The following DNAH5 variants were observed in gnomAD, a reference collection of about 807,000 sequenced individuals.
DNAH5 encodes the protein axonemal beta dynein heavy chain 5.
Under a neutral mutation model 518.2 loss-of-function variants are expected in DNAH5, and 372 were observed. The observed-to-expected ratio is 0.72, with a 90% CI of 0.66 to 0.78. The LOEUF is 0.78. Among genes scored for constraint, DNAH5 ranks in the 30% least tolerant of loss-of-function variants. DNAH5 has a pLI of 0.00. For synonymous variants in DNAH5, 2,039 were observed against 2,025.9 expected, an observed-to-expected ratio of 1.01 and a Z score of -0.17; for missense variants, 5,523 against 5,687.0, an observed-to-expected ratio of 0.97 and a Z score of 0.93.
At chr5:13,983,752 A>G (rs1782844937) in intron 1 of DNAH5, among the ~76,000 whole-genome samples, 1 of 152,206 alleles carries the variant, frequency 6.6e-6, no homozygotes, top group Non-Finnish European at 1.5e-5. Context: ...CTGGAAGAAA[A>G]GAGAGTCCTC....
chr5:13,915,204 G>A (rs1178578135), intron 9 of DNAH5, among the ~76,000 whole-genome samples: 1 of 152,074 alleles, frequency 6.6e-6, no homozygotes. Flanking sequence ...TGACTATGCT[G>A]TATCCATGGA....
intron 68 of DNAH5, among the ~76,000 whole-genome samples, chr5:13,733,159 A>C (rs1219700814): frequency 6.6e-6 from 1 of 152,198 alleles, no homozygotes; most frequent in Non-Finnish European, 1.5e-5. Flanking sequence ...TACTATGTAG[A>C]TTTTACTATC....
chr5:13,816,728 C>CTTTCGACAATTGT (rs1761499341), intron 42 of DNAH5, among the ~76,000 whole-genome samples: 1 of 152,124 alleles, frequency 6.6e-6, no homozygotes, highest in African/African-American at 2.4e-5. Context: ...ATTTTCATTT[C>CTTTCGACAATTGT]TCTTTCGACA....
At chr5:13,958,920 T>A (rs1334535580) in intron 1 of DNAH5, among the ~76,000 whole-genome samples, 1 of 152,174 alleles carries the variant, frequency 6.6e-6, no homozygotes, top group Admixed American at 6.5e-5. Context: ...TGTCAGAAAT[T>A]AATCATGAAG....
At chr5:13,951,047 A>G (rs189278) in intron 1 of DNAH5, among the ~76,000 whole-genome samples, 4,578 of 152,184 alleles carry the variant, frequency 0.03, 236 homozygotes, top group African/African-American at 0.1. Flanking sequence ...GCTTTATGAA[A>G]GCATTAGGAG....
intron 1 of DNAH5, among the ~76,000 whole-genome samples, chr5:13,962,038 C>T (rs1309083351): frequency 6.6e-6 from 1 of 151,858 alleles, no homozygotes; most frequent in African/African-American, 2.4e-5. Context: ...CTTGATATAC[C>T]AAAAAACTGT....
chr5:13,721,067 C>T lies in DNAH5; in HGVS notation c.12212G>A (p.Arg4071His), dbSNP rs745403938. Reference protein sequence around the residue: ...ALGKRLKIETRYVSMGQGQEV... With the variant: ...ALGKRLKIETHYVSMGQGQEV... ...CTGGCCCTGGCCCATGGACACATAA[C>T]GGGTTTCTATTTTTAATCTCTTCCC... The change falls in exon 71 of 79, where the codon CGT becomes CAT. Residue 4071 changes from arginine (R) to histidine (H), a missense_variant. Coordinates refer to ENST00000265104, the MANE Select transcript of DNAH5 (RefSeq NM_001369.3). The T allele has an allele frequency of 3.0e-5, 48 of 1,613,982 alleles. No homozygotes were observed. The highest frequency in any genetic ancestry group is 2.0e-4 in the East Asian group (9 of 44,892).
rs10513159 is a variant in DNAH5, at chr5:13,871,816, A to G, written c.3397-51T>C. ...TAAGAAGGAAGAATCTGAAAGGCAC[A>G]ATGATATAAGTGAATATTTACCAAC... On this transcript the variant is annotated intron_variant, in intron 22 of 78. Coordinates refer to ENST00000265104, the MANE Select transcript of DNAH5 (RefSeq NM_001369.3). 642,294 of 1,478,684 alleles carry G rather than the reference A, an allele frequency of 0.43. 142,106 individuals are homozygous for G. The highest frequency in any genetic ancestry group is 0.47 in the South Asian group (41,098 of 87,680). 91.6% of individuals were successfully genotyped at this position (1,478,684 alleles called of 1,614,324 possible).
chr5:13,848,432 AG>A (rs996541666), intron 31 of DNAH5, among the ~76,000 whole-genome samples: 1 of 152,184 alleles, frequency 6.6e-6, no homozygotes, highest in Admixed American at 6.5e-5. Flanking sequence ...TCCATAGACC[AG>A]GGGTGGGAGT....
chr5:13,785,490 T>TGTTTTTA (rs1468941236), intron 52 of DNAH5, among the ~76,000 whole-genome samples: 2 of 152,242 alleles, frequency 1.3e-5, no homozygotes, highest in African/African-American at 4.8e-5. Context: ...ATTTTTAAAT[T>TGTTTTTA]ATTGTTTCTA....
At chr5:13,995,085 T>A (rs1351920208) in intron 1 of DNAH5, among the ~76,000 whole-genome samples, 1 of 152,216 alleles carries the variant, frequency 6.6e-6, no homozygotes, top group Non-Finnish European at 1.5e-5. Context: ...CATGCCATAA[T>A]AATCACATGT....
chr5:13,765,963 C>T lies in DNAH5; in HGVS notation c.10101+13G>A, dbSNP rs1233600769. The T allele has an allele frequency of 6.2e-7, 1 of 1,613,846 alleles. No homozygotes were observed. Among genetic ancestry groups the T allele is most frequent in the Admixed American group, 1.7e-5 (1 of 60,032 alleles). ...TGAGTTCCCTCTTAGCCCATCACCACTGAACTACCAACCTGTAAGTTCTGT... is the reference window on the plus strand; with the variant it reads ...TGAGTTCCCTCTTAGCCCATCACCATTGAACTACCAACCTGTAAGTTCTGT... On this transcript the variant is annotated intron_variant, in intron 59 of 78. Coordinates refer to ENST00000265104, the MANE Select transcript of DNAH5 (RefSeq NM_001369.3).
chr5:13,952,899 C>T (rs1780521181), intron 1 of DNAH5, among the ~76,000 whole-genome samples: 1 of 152,208 alleles, frequency 6.6e-6, no homozygotes, highest in Admixed American at 6.5e-5. Flanking sequence ...CCTTCCACCC[C>T]AGTCTCCCAA....
At chr5:13,778,596 A>AAGAAAGAGAGAGAG (rs768853052) in intron 53 of DNAH5, among the ~76,000 whole-genome samples, 26 of 102,226 alleles carry the variant, frequency 2.5e-4, no homozygotes, top group East Asian at 5.5e-4. Context: ...GAAAGAAAGA[A>AAGAAAGAGAGAGAG]AGAGAGAGAG....
Position 13,801,831 on chromosome 5 carries a change from T to C in DNAH5, c.7887+5760A>G, listed in dbSNP as rs141537278. On this transcript the variant is annotated intron_variant, in intron 47 of 78. Coordinates refer to ENST00000265104, the MANE Select transcript of DNAH5 (RefSeq NM_001369.3). ...TCTTTGTTCTGGACCCTCAGGGTCTTAGTTCATTTACATACAGTTAAAAAA... is the reference window on the plus strand; with the variant it reads ...TCTTTGTTCTGGACCCTCAGGGTCTCAGTTCATTTACATACAGTTAAAAAA... Among the ~76,000 whole-genome samples, 4 of 152,278 alleles carry C rather than the reference T, an allele frequency of 2.6e-5. No homozygotes were observed. In the East Asian group the frequency reaches 5.8e-4, roughly 22 times the overall value.
intron 1 of DNAH5, among the ~76,000 whole-genome samples, chr5:13,973,990 C>G (rs1226942548): frequency 6.6e-6 from 1 of 152,210 alleles, no homozygotes; most frequent in African/African-American, 2.4e-5. Context: ...TGATCATCCT[C>G]ACTTTTCCTT....
At chr5:13,927,182 A>G (rs902398525) in intron 3 of DNAH5, among the ~76,000 whole-genome samples, 1 of 152,202 alleles carries the variant, frequency 6.6e-6, no homozygotes, top group Non-Finnish European at 1.5e-5. Flanking sequence ...AGACTATGCC[A>G]GTTGAATCTA....
intron 35 of DNAH5, among the ~76,000 whole-genome samples, chr5:13,837,935 T>C (rs1764624225): frequency 2.6e-5 from 4 of 152,046 alleles, no homozygotes; most frequent in Admixed American, 2.6e-4. Context: ...CTCCTGACCT[T>C]GTGTTCCACC....
Position 13,885,108 on chromosome 5 carries a change from GCTTCTTCCC to G in DNAH5, c.2855_2863del (p.Gly952_Glu954del). On this transcript the variant is annotated inframe_deletion, in exon 19 of 79. Transcript: ENST00000265104. Reference sequence around the variant, plus strand: ...GTTGAAATGAGAGAGTAACTCGCGGGCTTCTTCCCCTAACATCTCAGTTTCTTTCTTTTT... The same window carrying G: ...GTTGAAATGAGAGAGTAACTCGCGGGCTAACATCTCAGTTTCTTTCTTTTT... The G allele has an allele frequency of 6.2e-7, 1 of 1,614,230 alleles. No homozygotes were observed. Among genetic ancestry groups the G allele is most frequent in the Non-Finnish European group, 8.5e-7 (1 of 1,180,036 alleles).
Sources: gnomAD v4.1 joint callset for allele counts (sites outside exome capture counted in the v4.1 genomes callset) on GRCh38, gnomAD v4.1.1 for gene constraint, MANE v1.5 for transcripts, NCBI Gene and HGNC (gene_info 2026-07-23, HGNC 2026-07-21) for gene names.